PPP1R42: variants seen among roughly 807,000 people sequenced by gnomAD.
The protein encoded by PPP1R42 is protein phosphatase 1 regulatory subunit 42.
Under a neutral mutation model 31.0 loss-of-function variants are expected in PPP1R42, and 34 were observed. That is an observed-to-expected ratio of 1.10 (90% CI 0.83 to 1.46). PPP1R42 has a LOEUF of 1.46. PPP1R42 is among the 40% of genes most tolerant of loss of function. PPP1R42 has a pLI of 0.00. For synonymous variants in PPP1R42, 103 were observed against 109.8 expected (o/e 0.94, Z 0.39); for missense variants, 268 against 303.0 (o/e 0.88, Z 0.86).
chr8:67,015,629 G>T lies in PPP1R42; in HGVS notation c.130-1037C>A, dbSNP rs1815994237. Among the ~76,000 whole-genome samples, 8 of 145,146 alleles carry T rather than the reference G, an allele frequency of 5.5e-5. No homozygotes were observed. In the South Asian group the frequency reaches 1.7e-3, roughly 31 times the overall value. ...TTTTTTTTTTTTTGAAACAGGGTCTGCCCAGGCTGGTGTCAAACTCCTGGG... is the reference window on the plus strand; with the variant it reads ...TTTTTTTTTTTTTGAAACAGGGTCTTCCCAGGCTGGTGTCAAACTCCTGGG... On this transcript the variant is annotated intron_variant, in intron 2 of 7. Coordinates refer to ENST00000685739, the MANE Select transcript of PPP1R42 (RefSeq NM_001364910.1).
intron 5 of PPP1R42, among the ~76,000 whole-genome samples, chr8:67,000,177 T>C (rs1260965061): frequency 6.6e-6 from 1 of 152,090 alleles, no homozygotes; most frequent in Non-Finnish European, 1.5e-5. Context: ...TTACATGTAT[T>C]TTTCTTGCTG....
chr8:66,972,704 A>G (rs925278357), intron 7 of PPP1R42, among the ~76,000 whole-genome samples: 12 of 152,164 alleles, frequency 7.9e-5, no homozygotes, highest in Non-Finnish European at 1.8e-4. Context: ...CCATTTTTCA[A>G]TATAGTAAAT....
intron 7 of PPP1R42, among the ~76,000 whole-genome samples, chr8:66,975,551 C>T (rs1055046508): frequency 1.2e-4 from 18 of 152,008 alleles, no homozygotes; most frequent in African/African-American, 4.3e-4. Flanking sequence ...GAGGCTGAGG[C>T]AGGAGAATTG....
chr8:66,972,847 C>T (rs1814571803), intron 7 of PPP1R42, among the ~76,000 whole-genome samples: 1 of 152,066 alleles, frequency 6.6e-6, no homozygotes. Flanking sequence ...TCCCAAATTC[C>T]CACCAAATTG....
At chr8:66,985,164 C>G (rs1814966968) in intron 6 of PPP1R42, 4 of 1,138,952 alleles carry the variant, frequency 3.5e-6, no homozygotes, top group Non-Finnish European at 5.3e-6. Flanking sequence ...CTTGTGAAAT[C>G]TCTGCCTGAA....
At chr8:66,972,843 A>C (rs1195429557) in intron 7 of PPP1R42, among the ~76,000 whole-genome samples, 2 of 152,166 alleles carry the variant, frequency 1.3e-5, no homozygotes, top group African/African-American at 4.8e-5. Flanking sequence ...ATTTTCCCAA[A>C]TTCCCACCAA....
chr8:67,013,458 T>TA (rs1815905206), intron 3 of PPP1R42, among the ~76,000 whole-genome samples: 1 of 152,000 alleles, frequency 6.6e-6, no homozygotes, highest in South Asian at 2.1e-4. Flanking sequence ...GGTTCACACC[T>TA]GTAATCCCAG....
chr8:66,986,216 A>T (rs866744845), intron 6 of PPP1R42: 13 of 557,582 alleles, frequency 2.3e-5, no homozygotes, highest in South Asian at 1.2e-4. Context: ...CTGGGATTAC[A>T]GGCGTGAGCC....
intron 6 of PPP1R42, chr8:66,983,988 A>G: frequency 2.6e-6 from 2 of 771,606 alleles, no homozygotes; most frequent in Non-Finnish European, 4.4e-6. Context: ...TGACTGGGGA[A>G]GGGAGCAAGA....
intron 5 of PPP1R42, among the ~76,000 whole-genome samples, chr8:67,002,697 TA>T (rs564515331): frequency 6.6e-6 from 1 of 150,520 alleles, no homozygotes; most frequent in African/African-American, 2.4e-5. Context: ...TGTTTTGAGA[TA>T]GGGGCTTGCT....
intron 1 of PPP1R42, among the ~76,000 whole-genome samples, chr8:67,019,127 C>T (rs1438596916): frequency 3.3e-5 from 5 of 150,348 alleles, no homozygotes; most frequent in Non-Finnish European, 5.9e-5. Context: ...TGAGCCACTG[C>T]GCCCGAGCCA....
At position 67,007,884 on chromosome 8, in the gene PPP1R42, CT is replaced by C. The variant is rs1157477422; in HGVS notation, c.552+2830del. On this transcript the variant is annotated intron_variant, in intron 5 of 7. Transcript: ENST00000685739. ...AGTGATGCTGACATTGTAACTGTTC[CT>C]TTTTTTTTTTTTTTTTTTTTGAGAC... Among the ~76,000 whole-genome samples, 387 of 133,120 alleles carry C rather than the reference CT, an allele frequency of 2.9e-3. 2 individuals are homozygous for C. Among genetic ancestry groups the C allele is most frequent in the Middle Eastern group, 7.9e-3 (2 of 252 alleles). 87.3% of individuals were successfully genotyped at this position (133,120 alleles called of 152,430 possible). A position where few individuals can be genotyped will look rare whatever the true frequency, so the allele number is the denominator to read the frequency against.
intron 6 of PPP1R42, chr8:66,984,162 C>T (rs1814931206): frequency 6.3e-7 from 1 of 1,593,104 alleles, no homozygotes; most frequent in Non-Finnish European, 8.6e-7. Context: ...CAGATTCACT[C>T]AGCGCAAGGT....
intron 1 of PPP1R42, among the ~76,000 whole-genome samples, chr8:67,023,292 G>A (rs1816281214): frequency 6.6e-6 from 1 of 151,966 alleles, no homozygotes; most frequent in Non-Finnish European, 1.5e-5. Flanking sequence ...TGTATTTTTA[G>A]TAGAGATGGG....
In PPP1R42 at chr8:67,010,782, G is replaced by A. The variant is rs1466020713; in HGVS notation, c.485C>T (p.Thr162Ile). 3.1e-6 allele frequency: 5 copies of A among 1,605,904 alleles called. No individual in the cohort carries two copies. Among genetic ancestry groups the A allele is most frequent in the Non-Finnish European group, 3.4e-6 (4 of 1,177,048 alleles). Residue 162 changes from threonine (T) to isoleucine (I), a missense_variant, in exon 5 of 8, where the codon ACA becomes ATA. Transcript: ENST00000685739. ...AAGATTCTCTAGTAGTTCTAAGTCTGTAATGTCATCAATATTATTATTGCT... is the reference window on the plus strand; with the variant it reads ...AAGATTCTCTAGTAGTTCTAAGTCTATAATGTCATCAATATTATTATTGCT... ...NISNNNIDDI[T>I]DLELLENLNQ...
rs1554542359 is a variant in PPP1R42 at position 67,018,825 on chromosome 8, C to CCAT, written c.-84-995_-84-994insATG. The stretch of plus-strand genomic sequence containing the variant: ...CGTGCCTGGCCCCCGCCCCCCCCCC[C>CCAT]TTTTTTTTTTTTTTTTTTTTTAGGG... On this transcript the variant is annotated intron_variant, in intron 1 of 7. Coordinates refer to ENST00000685739, the MANE Select transcript of PPP1R42 (RefSeq NM_001364910.1). Among the ~76,000 whole-genome samples, 11 of 48,406 alleles carry CCAT rather than the reference C, an allele frequency of 2.3e-4. 1 individual carries two copies. The highest frequency in any genetic ancestry group is 7.7e-4 in the African/African-American group (9 of 11,700). 31.8% of individuals were successfully genotyped at this position (48,406 alleles called of 152,430 possible). A position where few individuals can be genotyped will look rare whatever the true frequency, so the allele number is the denominator to read the frequency against.
intron 7 of PPP1R42, among the ~76,000 whole-genome samples, chr8:66,980,037 A>G (rs1814782361): frequency 1.3e-5 from 2 of 152,210 alleles, no homozygotes; most frequent in African/African-American, 4.8e-5. Context: ...GTAAAATACT[A>G]GAATCCTTAC....
chr8:66,973,719 T>C (rs1324241182), intron 7 of PPP1R42, among the ~76,000 whole-genome samples: 1 of 152,204 alleles, frequency 6.6e-6, no homozygotes, highest in East Asian at 1.9e-4. Context: ...GGCCGAAACT[T>C]TATGCCCATT....
At chr8:66,988,030 G>T (rs982222875) in intron 6 of PPP1R42, 3 of 538,618 alleles carry the variant, frequency 5.6e-6, no homozygotes, top group African/African-American at 2.1e-5. Context: ...TGAAAACTTT[G>T]ATCAATTTTA....
Sources: allele counts gnomAD v4.1 joint callset (sites outside exome capture counted in the v4.1 genomes callset), GRCh38; gene constraint gnomAD v4.1.1; transcripts MANE v1.5; gene names NCBI Gene and HGNC (gene_info 2026-07-23, HGNC 2026-07-21).